The following ARHGAP26 variants were observed in gnomAD, a reference collection of about 807,000 sequenced individuals.
ARHGAP26 encodes the protein rho GTPase-activating protein 26.
Under a neutral mutation model 104.8 loss-of-function variants are expected in ARHGAP26, and 38 were observed. That is an observed-to-expected ratio of 0.36 (90% CI 0.28 to 0.48). ARHGAP26 has a LOEUF of 0.48. Among genes scored for constraint, ARHGAP26 ranks in the 20% least tolerant of loss-of-function variants. ARHGAP26 has a pLI of 0.99. For missense variants in ARHGAP26, 704 were observed against 947.9 expected (o/e 0.74, Z 3.38); for synonymous variants, 341 against 340.0 (o/e 1.00, Z -0.03).
intron 17 of ARHGAP26, among the ~76,000 whole-genome samples, chr5:143,119,220 A>G (rs1333075911): frequency 1.3e-5 from 2 of 152,192 alleles, no homozygotes; most frequent in Non-Finnish European, 1.5e-5. Flanking sequence ...ACGGGGAAAA[A>G]TGATCATCAT....
intron 17 of ARHGAP26, among the ~76,000 whole-genome samples, chr5:143,085,985 A>AT (rs892921738): frequency 6.6e-6 from 1 of 152,078 alleles, no homozygotes; most frequent in African/African-American, 2.4e-5. Context: ...CCCATTAATA[A>AT]TTTTTTTCAC....
chr5:143,083,394 T>G (rs1191785097), intron 17 of ARHGAP26, among the ~76,000 whole-genome samples: 1 of 152,224 alleles, frequency 6.6e-6, no homozygotes, highest in Non-Finnish European at 1.5e-5. Context: ...AGAGCAAGTC[T>G]TATGTCTCTT....
intron 17 of ARHGAP26, among the ~76,000 whole-genome samples, chr5:143,082,059 T>G (rs1006373187): frequency 6.6e-6 from 1 of 152,056 alleles, no homozygotes; most frequent in Admixed American, 6.5e-5. Context: ...TGAGTAACTC[T>G]TTCTCTGGAT....
At chr5:143,037,688 A>C (rs1418120766) in intron 13 of ARHGAP26, among the ~76,000 whole-genome samples, 1 of 152,224 alleles carries the variant, frequency 6.6e-6, no homozygotes, top group Non-Finnish European at 1.5e-5. Flanking sequence ...GTGATTTCTG[A>C]CCAAGTTGCA....
At chr5:143,114,627 A>G (rs1433725490) in intron 17 of ARHGAP26, among the ~76,000 whole-genome samples, 2 of 152,158 alleles carry the variant, frequency 1.3e-5, no homozygotes, top group South Asian at 2.1e-4. Context: ...TATTGACTGC[A>G]GCTTAGTTAC....
chr5:143,100,861 C>T (rs796785035), intron 17 of ARHGAP26, among the ~76,000 whole-genome samples: 39 of 152,226 alleles, frequency 2.6e-4, no homozygotes, highest in African/African-American at 8.4e-4. Flanking sequence ...GAGGCCAATG[C>T]GGGAGGATCA....
chr5:142,870,493 C>T (rs994750668), intron 1 of ARHGAP26, among the ~76,000 whole-genome samples: 1 of 152,210 alleles, frequency 6.6e-6, no homozygotes, highest in Admixed American at 6.5e-5. Flanking sequence ...GGACTTAAGT[C>T]ACAGGTCCTC....
intron 11 of ARHGAP26, among the ~76,000 whole-genome samples, chr5:142,960,637 G>C (rs1008198614): frequency 1.3e-5 from 2 of 152,182 alleles, no homozygotes; most frequent in Middle Eastern, 3.2e-3. Context: ...ACTGTAATGT[G>C]AAAGAAACTC....
chr5:142,788,965 C>T (rs1042211027), intron 1 of ARHGAP26, among the ~76,000 whole-genome samples: 13 of 152,206 alleles, frequency 8.5e-5, no homozygotes, highest in Admixed American at 5.9e-4. Context: ...AGACTAGCAA[C>T]GGAAGCATAG....
At chr5:142,825,632 C>A (rs777304931) in intron 1 of ARHGAP26, among the ~76,000 whole-genome samples, 31 of 152,180 alleles carry the variant, frequency 2.0e-4, no homozygotes, top group Non-Finnish European at 1.3e-4. Flanking sequence ...ATTGTAATTC[C>A]TTAGCGGGAC....
chr5:143,167,398 C>T lies in ARHGAP26; in HGVS notation c.1988+20017C>T, dbSNP rs1404487612. ...TCGGGAGGCTGAGACATGAGAATCA[C>T]TTGAACCCGGGGGGGAAGAGGTTAC... On this transcript the variant is annotated intron_variant, in intron 20 of 22. Transcript: ENST00000645722. Among the ~76,000 whole-genome samples the T allele has an allele frequency of 2.2e-5, 3 of 136,852 alleles. No individual in the cohort carries two copies. In the East Asian group the frequency reaches 6.4e-4, roughly 29 times the overall value. The allele number at this position is 136,852 out of a possible 152,430, so 89.8% of individuals were successfully genotyped here.
At chr5:142,777,637 C>T (rs531218926) in intron 1 of ARHGAP26, among the ~76,000 whole-genome samples, 1 of 152,278 alleles carries the variant, frequency 6.6e-6, no homozygotes, top group African/African-American at 2.4e-5. Flanking sequence ...GAGTTTCGTT[C>T]AGGAAATACG....
In ARHGAP26 at chr5:142,885,342, C is replaced by T; in HGVS notation, c.429C>T (p.Gly143=). Residue 143 remains glycine (G), a synonymous_variant, in exon 5 of 23, where the codon GGC becomes GGT. Coordinates refer to ENST00000645722, the MANE Select transcript of ARHGAP26 (RefSeq NM_001135608.3). The part of the protein sequence containing the change: ...KYDKETEKYC[G]ILEKHLNLSS... Reference sequence around the variant, plus strand: ...ACAAAGAGACAGAAAAGTATTGTGGCATCTTAGAAAAACACTTGAATTTGT... The same window carrying T: ...ACAAAGAGACAGAAAAGTATTGTGGTATCTTAGAAAAACACTTGAATTTGT... The T allele has an allele frequency of 1.2e-6, 2 of 1,613,766 alleles. No individual in the cohort carries two copies. The highest frequency in any genetic ancestry group is 1.7e-6 in the Non-Finnish European group (2 of 1,179,796).
chr5:143,052,220 C>T (rs1230109718), intron 14 of ARHGAP26, among the ~76,000 whole-genome samples: 1 of 152,058 alleles, frequency 6.6e-6, no homozygotes. Context: ...GCCTGTAATC[C>T]CAGCACTTTA....
At position 142,938,770 on chromosome 5, in the gene ARHGAP26, A is replaced by G. The variant is rs1393541012; in HGVS notation, c.1107+6645A>G. Among the ~76,000 whole-genome samples the G allele has an allele frequency of 3.9e-5, 6 of 152,290 alleles. No individual in the cohort carries two copies. In the East Asian group the frequency reaches 9.6e-4, roughly 24 times the overall value. On this transcript the variant is annotated intron_variant, in intron 11 of 22. Transcript: ENST00000645722. Reference sequence around the variant, plus strand: ...ATTTCCATATATCCCCTTAGCTGTGATTAGTGGTGTCTTTCTGCAACTGCT... The same window carrying G: ...ATTTCCATATATCCCCTTAGCTGTGGTTAGTGGTGTCTTTCTGCAACTGCT...
At chr5:142,774,281 C>T (rs1755838018) in intron 1 of ARHGAP26, among the ~76,000 whole-genome samples, 1 of 152,110 alleles carries the variant, frequency 6.6e-6, no homozygotes, top group African/African-American at 2.4e-5. Context: ...ATAACATTGG[C>T]TGAAAAACAT....
At chr5:142,842,552 T>C (rs1436761435) in intron 1 of ARHGAP26, among the ~76,000 whole-genome samples, 1 of 152,200 alleles carries the variant, frequency 6.6e-6, no homozygotes, top group Admixed American at 6.5e-5. Context: ...AGTTCATCCC[T>C]GTGTGTCGGG....
At chr5:143,136,726 C>T (rs1383323100) in intron 19 of ARHGAP26, among the ~76,000 whole-genome samples, 1 of 152,126 alleles carries the variant, frequency 6.6e-6, no homozygotes, top group Non-Finnish European at 1.5e-5. Flanking sequence ...CCGTCACTGT[C>T]GGGTGAGCAG....
At chr5:143,221,797 A>G (rs1811178648) in intron 22 of ARHGAP26, among the ~76,000 whole-genome samples, 1 of 152,128 alleles carries the variant, frequency 6.6e-6, no homozygotes, top group Admixed American at 6.5e-5. Flanking sequence ...TACTGGCATT[A>G]CAGGCGTGAA....
Sources: allele counts gnomAD v4.1 joint callset (sites outside exome capture counted in the v4.1 genomes callset), GRCh38; gene constraint gnomAD v4.1.1; transcripts MANE v1.5; gene names NCBI Gene and HGNC (gene_info 2026-07-23, HGNC 2026-07-21).